Variants in UBE2D3 observed in about 807,000 individuals in gnomAD.
The protein encoded by UBE2D3 is ubiquitin-conjugating enzyme E2 D3.
UBE2D3 carries 2 observed loss-of-function variants against 22.8 expected under a neutral mutation model. The observed-to-expected ratio is 0.09, with a 90% confidence interval of 0.04 to 0.28. UBE2D3 has a LOEUF of 0.28. Ranked by LOEUF, UBE2D3 falls within the 10% of genes least tolerant of loss-of-function variation. The pLI, the probability that UBE2D3 is intolerant of heterozygous loss-of-function variation, is 1.00. For synonymous variants in UBE2D3, 56 were observed against 60.4 expected, an observed-to-expected ratio of 0.93 and a Z score of 0.34; for missense variants, 27 against 182.5, an observed-to-expected ratio of 0.15 and a Z score of 4.91.
At chr4:102,836,574 A>G (rs532169036) in intron 1 of UBE2D3, among the ~76,000 whole-genome samples, 1 of 152,268 alleles carries the variant, frequency 6.6e-6, no homozygotes, top group African/African-American at 2.4e-5. Context: ...TATATGGTAG[A>G]TATGTGTTTA....
intron 4 of UBE2D3, among the ~76,000 whole-genome samples, chr4:102,807,751 C>G (rs1179494669): frequency 1.3e-5 from 2 of 152,174 alleles, no homozygotes; most frequent in African/African-American, 2.4e-5. Flanking sequence ...AAAAATCTGT[C>G]AGAATAAGCA....
At chr4:102,859,145 A>C (rs1466200203) in intron 1 of UBE2D3, among the ~76,000 whole-genome samples, 1 of 151,892 alleles carries the variant, frequency 6.6e-6, no homozygotes, top group Non-Finnish European at 1.5e-5. Context: ...AAAAGTCTTC[A>C]TCTTTCCTTT....
chr4:102,820,278 C>A (rs142973053), intron 2 of UBE2D3, among the ~76,000 whole-genome samples: 1 of 151,978 alleles, frequency 6.6e-6, no homozygotes, highest in East Asian at 1.9e-4. Flanking sequence ...TATGTAGATG[C>A]GAATATCAAG....
intron 4 of UBE2D3, among the ~76,000 whole-genome samples, chr4:102,806,425 C>T (rs1369256943): frequency 2.0e-5 from 3 of 151,922 alleles, no homozygotes; most frequent in East Asian, 1.9e-4. Flanking sequence ...TACAAAGCTC[C>T]TCAACGAGTA....
chr4:102,822,745 T>C (rs920461689), intron 2 of UBE2D3, among the ~76,000 whole-genome samples: 1 of 49,670 alleles, frequency 2.0e-5, no homozygotes, highest in African/African-American at 1.8e-4. Context: ...ACCATCCTGG[T>C]TAACACGGTG....
At chr4:102,842,788 T>A (rs1167392496) in intron 1 of UBE2D3, among the ~76,000 whole-genome samples, 1 of 152,154 alleles carries the variant, frequency 6.6e-6, no homozygotes, top group African/African-American at 2.4e-5. Context: ...GGGTAAGCTG[T>A]TCTTAGAGGC....
At position 102,826,539 on chromosome 4, in the gene UBE2D3, T is replaced by C. The variant is rs1730532692; in HGVS notation, c.-31A>G. ...GTGCTTGTCGTCTGGCTCCTCACTC[T>C]CTCGGTGTATGCTCAAAGGTCCGGC... On this transcript the variant is annotated 5_prime_UTR_variant, in exon 2 of 8. Coordinates refer to ENST00000453744, the MANE Select transcript of UBE2D3 (RefSeq NM_181891.3). The C allele has an allele frequency of 1.9e-6, 3 of 1,612,102 alleles. No individual in the cohort carries two copies. Among genetic ancestry groups the C allele is most frequent in the African/African-American group, 1.3e-5 (1 of 74,756 alleles).
chr4:102,802,494 A>C (rs778874250), intron 5 of UBE2D3, 67 bp downstream of exon 5: 26 of 1,339,356 alleles, frequency 1.9e-5, no homozygotes, highest in Non-Finnish European at 2.7e-5. Flanking sequence ...CTATCTTCCA[A>C]GAATGCTCTA....
chr4:102,804,986 C>A (rs1327625247), intron 4 of UBE2D3, among the ~76,000 whole-genome samples: 1 of 152,098 alleles, frequency 6.6e-6, no homozygotes, highest in Admixed American at 6.6e-5. Flanking sequence ...TGCCCGGCCC[C>A]AAACATTGAA....
At chr4:102,826,779 C>A in intron 1 of UBE2D3, 143 bp from the exon 2 acceptor site, 3 of 1,276,802 alleles carry the variant, frequency 2.3e-6, no homozygotes, top group Non-Finnish European at 3.0e-6. Flanking sequence ...GTGCTTTCGG[C>A]CCGAAGTGGG....
chr4:102,826,734 G>T, intron 1 of UBE2D3, 98 bp from the exon 2 acceptor site: 1 of 1,417,806 alleles, frequency 7.1e-7, no homozygotes, highest in Non-Finnish European at 9.2e-7. Flanking sequence ...GGGTGGGTGG[G>T]GTGGCGTGGC....
At chr4:102,828,541 A>T (rs142290096), upstream of UBE2D3, among the ~76,000 whole-genome samples, 132 of 152,200 alleles carry the variant, frequency 8.7e-4, no homozygotes, top group African/African-American at 2.9e-3. Flanking sequence ...GGACAGAGAG[A>T]GTTAGGGGCA....
intron 6 of UBE2D3, among the ~76,000 whole-genome samples, chr4:102,800,509 C>T (rs902511401): frequency 6.6e-6 from 1 of 151,986 alleles, no homozygotes; most frequent in African/African-American, 2.4e-5. Context: ...ACTGTACACT[C>T]CCAGCAGTAG....
intron 2 of UBE2D3, chr4:102,811,903 A>AT (rs1728106773): frequency 3.0e-6 from 1 of 330,860 alleles, no homozygotes; most frequent in African/African-American, 2.2e-5. Context: ...GTCTACCACA[A>AT]TATCAATGCA....
At chr4:102,815,859 T>C (rs1411560413) in intron 2 of UBE2D3, among the ~76,000 whole-genome samples, 1 of 152,232 alleles carries the variant, frequency 6.6e-6, no homozygotes, top group Admixed American at 6.5e-5. Context: ...ACAAAGGTCT[T>C]TTTTAAAGAT....
chr4:102,813,812 A>C (rs1000947933), intron 2 of UBE2D3, among the ~76,000 whole-genome samples: 2 of 152,284 alleles, frequency 1.3e-5, no homozygotes, highest in African/African-American at 4.8e-5. Context: ...AGGAAAATTA[A>C]GAGGCAAATA....
At chr4:102,802,462 T>C (rs1241433590) in intron 5 of UBE2D3, 99 bp downstream of exon 5, 4 of 949,158 alleles carry the variant, frequency 4.2e-6, no homozygotes, top group Non-Finnish European at 6.1e-6. Context: ...ATTCAACATA[T>C]ATATACAGCC....
chr4:102,810,435 G>A (rs1211826801), intron 2 of UBE2D3: 1 of 144,782 alleles, frequency 6.9e-6, no homozygotes, highest in Non-Finnish European at 1.5e-5. Flanking sequence ...TTTTTGAGAC[G>A]GAGTCTCCAG....
At position 102,809,652 on chromosome 4, in the gene UBE2D3, T is replaced by C. The variant is rs1727643467; in HGVS notation, c.120+20A>G. The C allele has an allele frequency of 6.3e-7, 1 of 1,582,924 alleles. No individual in the cohort carries two copies. The highest frequency in any genetic ancestry group is 1.4e-5 in the African/African-American group (1 of 73,020). On this transcript the variant is annotated intron_variant, in intron 4 of 7. Transcript: ENST00000453744. ...CTGGATTTTCACTTAAAACTAAATT[T>C]AAAAATTCTTAATACTTACAGGTCC...
Sources: gnomAD v4.1 joint callset for allele counts (sites outside exome capture counted in the v4.1 genomes callset) on GRCh38, gnomAD v4.1.1 for gene constraint, MANE v1.5 for transcripts, NCBI Gene and HGNC (gene_info 2026-07-23, HGNC 2026-07-21) for gene names.